OPRM1: variants seen among roughly 807,000 people sequenced by gnomAD.
OPRM1 encodes the protein opioid receptor mu 1, also known as mu-type opioid receptor.
OPRM1 carries 27 observed loss-of-function variants against 31.8 expected under a neutral mutation model. The observed-to-expected ratio is 0.85, with a 90% CI of 0.63 to 1.17. The LOEUF is 1.17. Ranked by LOEUF, OPRM1 falls within the 50% of genes most tolerant of loss-of-function variation. The pLI is 0.00. For missense variants in OPRM1, 536 were observed against 511.1 expected (o/e 1.05, Z -0.47); for synonymous variants, 196 against 189.9 (o/e 1.03, Z -0.26).
chr6:154,031,704 G>A (rs1343726623), intron 1 of OPRM1, among the ~76,000 whole-genome samples: 3 of 152,122 alleles, frequency 2.0e-5, no homozygotes, highest in Non-Finnish European at 4.4e-5. Context: ...TCGCGCCATT[G>A]CACTCCAGCC....
chr6:154,031,841 C>T (rs1177096009), intron 1 of OPRM1, among the ~76,000 whole-genome samples: 1 of 151,174 alleles, frequency 6.6e-6, no homozygotes, highest in Non-Finnish European at 1.5e-5. Flanking sequence ...ATGGCAAGTA[C>T]AGGGAATTAT....
At chr6:154,081,615 T>C (rs1159344670) in intron 1 of OPRM1, among the ~76,000 whole-genome samples, 1 of 152,104 alleles carries the variant, frequency 6.6e-6, no homozygotes, top group African/African-American at 2.4e-5. Flanking sequence ...AACGAGAAAA[T>C]GTCTCAAGAT....
intron 1 of OPRM1, among the ~76,000 whole-genome samples, chr6:154,017,919 A>G (rs1438695457): frequency 1.3e-5 from 2 of 152,196 alleles, no homozygotes; most frequent in Non-Finnish European, 2.9e-5. Flanking sequence ...AATTAAGCCA[A>G]CTGTTCAATC....
In OPRM1 at chr6:154,039,634, C is replaced by G; in HGVS notation, c.90C>G (p.Ser30=). The G allele has an allele frequency of 6.2e-7, 1 of 1,613,788 alleles. No individual in the cohort carries two copies. Among genetic ancestry groups the G allele is most frequent in the Non-Finnish European group, 8.5e-7 (1 of 1,179,678 alleles). ...GCTCCCCAGCACCCAGCCCCGGTTC[C>G]TGGGTCAACTTGTCCCACTTAGATG... is the stretch of plus-strand genomic sequence containing the variant. ...SSCSPAPSPG[S]WVNLSHLDGN... The change falls in exon 1 of 4, where the codon TCC becomes TCG. Residue 30 remains serine, a synonymous_variant. Transcript: ENST00000330432.
chr6:154,172,463 G>A (rs12214381), intron 3 of OPRM1, among the ~76,000 whole-genome samples: 29,420 of 152,082 alleles, frequency 0.19, 3,449 homozygotes, highest in East Asian at 0.41. Flanking sequence ...CACAGTCTTC[G>A]CAACCAGCAG....
At chr6:154,061,447 A>G (rs944893236) in intron 1 of OPRM1, among the ~76,000 whole-genome samples, 1 of 152,126 alleles carries the variant, frequency 6.6e-6, no homozygotes, top group African/African-American at 2.4e-5. Flanking sequence ...GCTTGGCAAA[A>G]ATAAAAATAA....
intron 3 of OPRM1, among the ~76,000 whole-genome samples, chr6:154,117,171 T>C (rs1192340181): frequency 6.6e-6 from 1 of 152,200 alleles, no homozygotes; most frequent in Non-Finnish European, 1.5e-5. Context: ...GAATATTTGC[T>C]ACCAGACCCA....
chr6:154,123,082 T>A lies in OPRM1; in HGVS notation c.*4361T>A, dbSNP rs560865402. ...AGACGGGAGCCCAAGTGGGTTGCTGTTTTTACAGCTGAATCCAAAAGCTTT... is the reference window on the plus strand; with the variant it reads ...AGACGGGAGCCCAAGTGGGTTGCTGATTTTACAGCTGAATCCAAAAGCTTT... On this transcript the variant is annotated 3_prime_UTR_variant, in exon 4 of 4. Coordinates refer to ENST00000330432, the MANE Select transcript of OPRM1 (RefSeq NM_000914.5). Among the ~76,000 whole-genome samples, 1 of 152,248 alleles carries A rather than the reference T, an allele frequency of 6.6e-6. No homozygotes were observed. The highest frequency in any genetic ancestry group is 1.9e-4 in the East Asian group (1 of 5,178).
At chr6:154,135,362 G>T (rs964741716), downstream of OPRM1, among the ~76,000 whole-genome samples, 1 of 152,052 alleles carries the variant, frequency 6.6e-6, no homozygotes, top group African/African-American at 2.4e-5. Flanking sequence ...CCAGCTACTC[G>T]GGAGGCTGAG....
At chr6:154,141,784 G>C (rs1347422902) in intron 3 of OPRM1, among the ~76,000 whole-genome samples, 2 of 152,236 alleles carry the variant, frequency 1.3e-5, no homozygotes, top group African/African-American at 4.8e-5. Flanking sequence ...GAGGCCATCA[G>C]ATATGCATTT....
rs1267745136 is a variant in OPRM1 at position 154,121,694 on chromosome 6, T to A, written c.*2973T>A. ...TCCCACATTGTCACAGCATGCCCTT[T>A]ACATCTCAGGATCCAGGCAAAAGTT... is the stretch of plus-strand genomic sequence containing the variant. On this transcript the variant is annotated 3_prime_UTR_variant, in exon 4 of 4. Transcript: ENST00000330432. Among the ~76,000 whole-genome samples the A allele has an allele frequency of 1.3e-5, 2 of 152,172 alleles. No homozygotes were observed. The highest frequency in any genetic ancestry group is 4.8e-5 in the African/African-American group (2 of 41,440).
In OPRM1 at chr6:154,239,981, C is replaced by T. The variant is rs1458150735; in HGVS notation, c.1165-6712C>T. Among the ~76,000 whole-genome samples the T allele has an allele frequency of 2.6e-5, 4 of 152,292 alleles. No homozygotes were observed. The East Asian group carries it at 5.8e-4, about 22-fold the overall frequency. On this transcript the variant is annotated intron_variant, in intron 3 of 3. Transcript: ENST00000337049. ...CCACCCAAAGTGCTGGGACTACAGGCGTGAGCCACAGCACCCAACCTTGAA... is the reference window on the plus strand; with the variant it reads ...CCACCCAAAGTGCTGGGACTACAGGTGTGAGCCACAGCACCCAACCTTGAA...
intron 3 of OPRM1, among the ~76,000 whole-genome samples, chr6:154,188,883 A>G (rs1316869085): frequency 6.6e-6 from 1 of 152,222 alleles, no homozygotes; most frequent in African/African-American, 2.4e-5. Flanking sequence ...ACGTTTATAA[A>G]ATATGGAAGA....
intron 3 of OPRM1, among the ~76,000 whole-genome samples, chr6:154,185,196 G>C (rs1256669499): frequency 6.6e-6 from 1 of 152,168 alleles, no homozygotes; most frequent in Non-Finnish European, 1.5e-5. Flanking sequence ...AGAAAACAGA[G>C]CCTAGCAAGG....
intron 1 of OPRM1, among the ~76,000 whole-genome samples, chr6:154,070,960 T>G (rs141840404): frequency 3.7e-4 from 57 of 152,322 alleles, no homozygotes; most frequent in African/African-American, 1.3e-3. Context: ...CCTTTAACAA[T>G]TAATATTTTA....
intron 1 of OPRM1, among the ~76,000 whole-genome samples, chr6:154,044,564 T>G (rs1780728588): frequency 6.6e-6 from 1 of 152,164 alleles, no homozygotes; most frequent in Non-Finnish European, 1.5e-5. Context: ...AAAATTTATT[T>G]GCAAGCATTT....
At chr6:154,150,496 T>C (rs1798470926) in intron 3 of OPRM1, among the ~76,000 whole-genome samples, 1 of 152,166 alleles carries the variant, frequency 6.6e-6, no homozygotes, top group Admixed American at 6.5e-5. Flanking sequence ...GATAGGGAAA[T>C]TGGGAGTGAG....
intron 3 of OPRM1, among the ~76,000 whole-genome samples, chr6:154,139,540 A>C (rs1328312725): frequency 6.6e-6 from 1 of 152,202 alleles, no homozygotes; most frequent in Admixed American, 6.5e-5. Context: ...AGCAATCAAC[A>C]AAAACAGTGC....
chr6:154,098,111 T>C lies in OPRM1; in HGVS notation c.1164+6639T>C, dbSNP rs574742156. On this transcript the variant is annotated intron_variant, in intron 3 of 3. Transcript: ENST00000330432. ...AAATTAGAAAAAAAATTTTAATTAG[T>C]GGCTAACTATTGACTCCAGTTAAAT... is the stretch of plus-strand genomic sequence containing the variant. 1.1e-4 allele frequency among the ~76,000 whole-genome samples: 16 copies of C among 152,334 alleles called. No individual in the cohort carries two copies. In the East Asian group the frequency reaches 2.7e-3, roughly 26 times the overall value.
Sources: gnomAD v4.1 joint callset for allele counts (sites outside exome capture counted in the v4.1 genomes callset) on GRCh38, gnomAD v4.1.1 for gene constraint, MANE v1.5 for transcripts, NCBI Gene and HGNC (gene_info 2026-07-23, HGNC 2026-07-21) for gene names.